IL1RAPL2: variants seen among roughly 807,000 people sequenced by gnomAD.
IL1RAPL2 encodes the protein interleukin 1 receptor accessory protein like 2.
IL1RAPL2 carries 3 observed loss-of-function variants against 44.1 expected under a neutral mutation model. The ratio of observed to expected loss-of-function variants is 0.07; its 90% CI spans 0.03 to 0.18. The LOEUF is 0.18. Ranked by LOEUF, IL1RAPL2 falls within the 10% of genes least tolerant of loss-of-function variation. IL1RAPL2 has a pLI of 1.00. For synonymous variants in IL1RAPL2, 181 were observed against 178.8 expected (o/e 1.01, Z -0.10); for missense variants, 391 against 496.4 (o/e 0.79, Z 2.02).
chrX:104,653,795 A>C (rs1270019618), intron 1 of IL1RAPL2, among the ~76,000 whole-genome samples: 3 of 111,325 alleles, frequency 2.7e-5, no homozygotes, highest in Non-Finnish European at 5.7e-5. Flanking sequence ...ATCTTTACAT[A>C]GAATACTGGA....
intron 2 of IL1RAPL2, among the ~76,000 whole-genome samples, chrX:104,709,881 C>T (rs1380867710): frequency 1.8e-5 from 2 of 110,054 alleles, no homozygotes; most frequent in Non-Finnish European, 3.8e-5. Flanking sequence ...GCAAACAATC[C>T]TGTAAAAAGA....
At chrX:104,580,275 C>T (rs1228689687) in intron 1 of IL1RAPL2, among the ~76,000 whole-genome samples, 3 of 112,426 alleles carry the variant, frequency 2.7e-5, no homozygotes, top group African/African-American at 9.7e-5. Flanking sequence ...CACTATGTCA[C>T]CTTCTATATA....
intron 2 of IL1RAPL2, among the ~76,000 whole-genome samples, chrX:105,158,345 C>T (rs758565446): frequency 3.7e-5 from 4 of 109,058 alleles, no homozygotes; most frequent in African/African-American, 1.3e-4. Flanking sequence ...GGTGACAGAG[C>T]GAGACTCCGT....
intron 2 of IL1RAPL2, among the ~76,000 whole-genome samples, chrX:104,780,141 T>A (rs1932762809): frequency 9.0e-6 from 1 of 111,409 alleles, no homozygotes; most frequent in Non-Finnish European, 1.9e-5. Context: ...CAAATTCAGG[T>A]AGGGATATAT....
intron 2 of IL1RAPL2, among the ~76,000 whole-genome samples, chrX:105,169,655 A>G (rs1296104986): frequency 9.4e-6 from 1 of 106,345 alleles, no homozygotes; most frequent in African/African-American, 3.5e-5. Flanking sequence ...CAGCCTCCCA[A>G]GTAGCTGGGA....
At chrX:105,044,261 A>C (rs1417099331) in intron 2 of IL1RAPL2, among the ~76,000 whole-genome samples, 3 of 111,345 alleles carry the variant, frequency 2.7e-5, no homozygotes, top group Non-Finnish European at 5.6e-5. Flanking sequence ...AACATTGTGC[A>C]CTTAGGCCTA....
At chrX:104,829,531 G>A (rs1025357537) in intron 2 of IL1RAPL2, among the ~76,000 whole-genome samples, 3 of 112,345 alleles carry the variant, frequency 2.7e-5, no homozygotes, top group South Asian at 3.7e-4. Flanking sequence ...CCCACCTTCT[G>A]TGTTGGTCTC....
chrX:105,146,523 C>G (rs1414185266), intron 2 of IL1RAPL2, among the ~76,000 whole-genome samples: 2 of 111,551 alleles, frequency 1.8e-5, no homozygotes, highest in African/African-American at 6.5e-5. Flanking sequence ...TTCTGGCTTT[C>G]TAGTAACTTA....
At chrX:105,345,068 G>A (rs1041554446) in intron 5 of IL1RAPL2, among the ~76,000 whole-genome samples, 7 of 111,237 alleles carry the variant, frequency 6.3e-5, no homozygotes, top group African/African-American at 2.0e-4. Context: ...GATTTATAAG[G>A]TACAATCTAT....
At position 105,672,019 on chromosome X, in the gene IL1RAPL2, C is replaced by A. The variant is rs923900621; in HGVS notation, c.773-45348C>A. Among the ~76,000 whole-genome samples, 7 of 111,201 alleles carry A rather than the reference C, an allele frequency of 6.3e-5. No homozygotes were observed. In the Admixed American group the frequency reaches 6.7e-4, roughly 11 times the overall value. On this transcript the variant is annotated intron_variant, in intron 6 of 10. Transcript: ENST00000372582. ...CATTTCGTTCTTTATATTTCTAATT[C>A]TTTGCTGGGACTTTCTATTACTATA...
At chrX:105,111,358 G>A (rs943504453) in intron 2 of IL1RAPL2, among the ~76,000 whole-genome samples, 5 of 111,393 alleles carry the variant, frequency 4.5e-5, no homozygotes, top group African/African-American at 1.6e-4. Context: ...GGGTACAGTG[G>A]CCTCTTCTCT....
At chrX:105,308,615 G>C (rs958893919) in intron 5 of IL1RAPL2, among the ~76,000 whole-genome samples, 1 of 111,891 alleles carries the variant, frequency 8.9e-6, no homozygotes, top group African/African-American at 3.2e-5. Flanking sequence ...CTATGTTTTT[G>C]TTTGTGTGTC....
At chrX:105,290,825 T>A (rs1378037568) in intron 5 of IL1RAPL2, among the ~76,000 whole-genome samples, 1 of 111,710 alleles carries the variant, frequency 9.0e-6, no homozygotes, top group Non-Finnish European at 1.9e-5. Context: ...GATTACTAAA[T>A]AACTAGGTGC....
At chrX:105,021,422 C>T (rs1172666903) in intron 2 of IL1RAPL2, among the ~76,000 whole-genome samples, 1 of 110,638 alleles carries the variant, frequency 9.0e-6, no homozygotes, top group Non-Finnish European at 1.9e-5. Flanking sequence ...GTATGCTGCT[C>T]GGAGTTTATG....
At chrX:104,929,889 C>G (rs779129901) in intron 2 of IL1RAPL2, among the ~76,000 whole-genome samples, 19 of 112,290 alleles carry the variant, frequency 1.7e-4, no homozygotes, top group African/African-American at 5.2e-4. Flanking sequence ...CCAAACATAG[C>G]TTGTCAATGA....
intron 2 of IL1RAPL2, among the ~76,000 whole-genome samples, chrX:104,983,631 ATATAT>A (rs1457426587): frequency 6.1e-5 from 6 of 98,326 alleles, no homozygotes; most frequent in African/African-American, 1.1e-4. Context: ...TATATGCATA[ATATAT>A]TATACATATA....
At chrX:105,049,156 T>C (rs1452519249) in intron 2 of IL1RAPL2, among the ~76,000 whole-genome samples, 1 of 105,284 alleles carries the variant, frequency 9.5e-6, no homozygotes, top group African/African-American at 3.8e-5. Context: ...TTCTTACTAC[T>C]TATGGTTTTT....
intron 5 of IL1RAPL2, among the ~76,000 whole-genome samples, chrX:105,278,479 A>G (rs1319463370): frequency 9.0e-6 from 1 of 111,182 alleles, no homozygotes; most frequent in Non-Finnish European, 1.9e-5. Flanking sequence ...CCCAGCCTGA[A>G]AGCAGTGGTT....
At chrX:104,576,971 G>A (rs1197172237) in intron 1 of IL1RAPL2, among the ~76,000 whole-genome samples, 1 of 112,013 alleles carries the variant, frequency 8.9e-6, no homozygotes, top group Non-Finnish European at 1.9e-5. Context: ...TTTCCCATCT[G>A]TTTCCCATGG....
Sources: gnomAD v4.1 joint callset for allele counts (sites outside exome capture counted in the v4.1 genomes callset) on GRCh38, gnomAD v4.1.1 for gene constraint, MANE v1.5 for transcripts, NCBI Gene and HGNC (gene_info 2026-07-23, HGNC 2026-07-21) for gene names.